The following DOCK10 variants were observed in gnomAD, a reference collection of about 807,000 sequenced individuals.
DOCK10 encodes the protein dedicator of cytokinesis protein 10.
In DOCK10, 145 loss-of-function variants were observed where a neutral mutation model predicts 280.1. The observed-to-expected ratio is 0.52, with a 90% confidence interval of 0.45 to 0.59. The LOEUF (loss-of-function observed/expected upper bound fraction) is 0.59. Among genes scored for constraint, DOCK10 ranks in the 20% least tolerant of loss-of-function variants. DOCK10 has a pLI of 0.00. For missense variants in DOCK10, 2,368 were observed against 2,651.7 expected (o/e 0.89, Z 2.35); for synonymous variants, 915 against 942.2 (o/e 0.97, Z 0.53).
In DOCK10 at chr2:224,823,576, G is replaced by A; in HGVS notation, c.3108C>T (p.Asp1036=). The A allele has an allele frequency of 6.2e-7, 1 of 1,608,288 alleles. No homozygotes were observed. Among genetic ancestry groups the A allele is most frequent in the African/African-American group, 1.3e-5 (1 of 74,692 alleles). ...ELDNLVMVLS[D]HVIWKYKDAL... is the part of the protein sequence containing the mutation. ...CATCCTTGTATTTCCAAATCACATGGTCGGATAGGACCATGACAAGATTGT... is the reference window on the plus strand; with the variant it reads ...CATCCTTGTATTTCCAAATCACATGATCGGATAGGACCATGACAAGATTGT... Residue 1036 remains aspartate, a synonymous_variant, in exon 28 of 56, where the codon GAC becomes GAT. Transcript: ENST00000258390.
intron 18 of DOCK10, among the ~76,000 whole-genome samples, chr2:224,851,462 A>G (rs979116337): frequency 5.4e-5 from 8 of 147,524 alleles, no homozygotes; most frequent in Non-Finnish European, 9.1e-5. Flanking sequence ...TTTTTTTAAA[A>G]AAAAAAAAAA....
chr2:224,804,992 C>T (rs950841904), intron 37 of DOCK10, 66 bp downstream of exon 37: 6 of 1,399,306 alleles, frequency 4.3e-6, no homozygotes, highest in Admixed American at 2.5e-5. Flanking sequence ...TGAAATGAAA[C>T]ATGGTATAGT....
chr2:224,965,305 G>A (rs868003773), intron 1 of DOCK10, among the ~76,000 whole-genome samples: 1 of 152,202 alleles, frequency 6.6e-6, no homozygotes, highest in African/African-American at 2.4e-5. Context: ...AGAGGGAGCA[G>A]AGCCTGGCAG....
intron 2 of DOCK10, among the ~76,000 whole-genome samples, chr2:224,917,354 G>A (rs113580923): frequency 4.5e-4 from 68 of 152,004 alleles, no homozygotes; most frequent in African/African-American, 1.6e-3. Context: ...TAATCCACCC[G>A]CCTCGGCCTC....
intron 1 of DOCK10, among the ~76,000 whole-genome samples, chr2:224,952,200 G>T (rs913689321): frequency 2.0e-5 from 3 of 152,198 alleles, no homozygotes; most frequent in African/African-American, 7.2e-5. Flanking sequence ...CAGGCAGTCT[G>T]GAGGGGACGT....
chr2:224,801,516 C>G (rs894979295), intron 40 of DOCK10, among the ~76,000 whole-genome samples: 1 of 152,022 alleles, frequency 6.6e-6, no homozygotes, highest in Non-Finnish European at 1.5e-5. Context: ...AAACGCTGGC[C>G]TCCATTTTAC....
intron 1 of DOCK10, among the ~76,000 whole-genome samples, chr2:224,956,274 C>T (rs1169020910): frequency 2.0e-5 from 3 of 152,114 alleles, no homozygotes; most frequent in Non-Finnish European, 4.4e-5. Context: ...ATTCCTTGAC[C>T]CTAACCAGGA....
chr2:224,914,498 A>C (rs3928623), intron 3 of DOCK10, among the ~76,000 whole-genome samples: 86,658 of 152,100 alleles, frequency 0.57, 25,456 homozygotes, highest in Non-Finnish European at 0.64. Context: ...CACAGGACAA[A>C]AGCCCATTGA....
intron 1 of DOCK10, among the ~76,000 whole-genome samples, chr2:224,937,922 C>T (rs987898705): frequency 1.3e-5 from 2 of 152,116 alleles, no homozygotes; most frequent in African/African-American, 2.4e-5. Context: ...GTGAGCTTGT[C>T]GGCACTGGGG....
At chr2:224,921,112 A>AAAAAAAAATATATATAT in intron 2 of DOCK10, among the ~76,000 whole-genome samples, 1 of 54,412 alleles carries the variant, frequency 1.8e-5, no homozygotes, top group Non-Finnish European at 3.0e-5. Flanking sequence ...AAAAAAAAAA[A>AAAAAAAAATATATATAT]ATATATATAT....
intron 26 of DOCK10, among the ~76,000 whole-genome samples, chr2:224,831,929 C>T (rs1695266355): frequency 6.6e-6 from 1 of 152,108 alleles, no homozygotes; most frequent in Non-Finnish European, 1.5e-5. Context: ...GGTAGGGGCT[C>T]CTGGTGGGCT....
chr2:225,014,817 G>T (rs562399096), intron 1 of DOCK10, among the ~76,000 whole-genome samples: 1 of 152,202 alleles, frequency 6.6e-6, no homozygotes, highest in African/African-American at 2.4e-5. Flanking sequence ...CAGTGTGAAG[G>T]TTATTCCTTA....
At chr2:225,037,051 T>C (rs1690280649) in intron 1 of DOCK10, among the ~76,000 whole-genome samples, 1 of 152,164 alleles carries the variant, frequency 6.6e-6, no homozygotes, top group Admixed American at 6.5e-5. Flanking sequence ...CTCAGTTAAA[T>C]GGTAATACAT....
chr2:224,857,055 T>A, intron 14 of DOCK10, 73 bp from the exon 15 acceptor site: 2 of 1,219,306 alleles, frequency 1.6e-6, no homozygotes, highest in African/African-American at 1.5e-5. Context: ...GTGACTATAT[T>A]AATTAAACTT....
At chr2:224,788,277 ATACTAGTGGTTTAATAAAT>A (rs1691882387) in intron 48 of DOCK10, among the ~76,000 whole-genome samples, 1 of 152,038 alleles carries the variant, frequency 6.6e-6, no homozygotes, top group Admixed American at 6.6e-5. Flanking sequence ...TTCCTTTCAT[ATACTAGTGGTTTAATAAAT>A]TTTCAACTGA....
chr2:225,026,743 A>C (rs1689930760), intron 1 of DOCK10, among the ~76,000 whole-genome samples: 1 of 152,134 alleles, frequency 6.6e-6, no homozygotes, highest in Admixed American at 6.5e-5. Flanking sequence ...GAAAGGGTGA[A>C]ATCACCTAGG....
At position 224,865,072 on chromosome 2, in the gene DOCK10, CA is replaced by C. The variant is rs1559599687; in HGVS notation, c.1272del (p.Phe424LeufsTer2). On this transcript the variant is annotated frameshift_variant, in exon 12 of 56. Transcript: ENST00000258390. LOFTEE classifies it high-confidence loss of function. The stretch of plus-strand genomic sequence containing the variant: ...CTGAGGTCATAAAGTGCCACACTCA[CA>C]AAAAAAGGCTCAATCTGCATGAAAA... Reference protein sequence around the residue: ...NDPITNIEPFFVSVALYDLRD... With the variant: ...NDPITNIEPFXVSVALYDLRD... The C allele has an allele frequency of 1.9e-6, 3 of 1,607,878 alleles. No individual in the cohort carries two copies. Among genetic ancestry groups the C allele is most frequent in the Admixed American group, 1.7e-5 (1 of 58,452 alleles).
chr2:224,905,804 CCTT>C (rs908747215), intron 3 of DOCK10, among the ~76,000 whole-genome samples: 5 of 152,130 alleles, frequency 3.3e-5, no homozygotes, highest in African/African-American at 1.2e-4. Context: ...TCTGCCCACT[CCTT>C]CTCCATTCTT....
chr2:225,033,150 G>C (rs529802987), intron 1 of DOCK10, among the ~76,000 whole-genome samples: 7 of 151,728 alleles, frequency 4.6e-5, no homozygotes, highest in Non-Finnish European at 1.0e-4. Flanking sequence ...TCACATTTAA[G>C]TTGCCCAAAA....
Sources: gnomAD v4.1 joint callset for allele counts (sites outside exome capture counted in the v4.1 genomes callset) on GRCh38, gnomAD v4.1.1 for gene constraint, MANE v1.5 for transcripts, NCBI Gene and HGNC (gene_info 2026-07-23, HGNC 2026-07-21) for gene names.